BTBD19: variants seen among roughly 807,000 people sequenced by gnomAD.
BTBD19 encodes BTB domain containing 19, also known as BTB/POZ domain-containing protein 19.
Under a neutral mutation model 36.1 loss-of-function variants are expected in BTBD19, and 20 were observed. The ratio of observed to expected loss-of-function variants is 0.55; its 90% CI spans 0.39 to 0.80. The LOEUF (loss-of-function observed/expected upper bound fraction) is 0.80. Ranked by LOEUF, BTBD19 falls within the 30% of genes least tolerant of loss-of-function variation. The pLI is 0.00. For missense variants in BTBD19, 325 were observed against 389.8 expected, an observed-to-expected ratio of 0.83 and a Z score of 1.40; for synonymous variants, 157 against 174.3, an observed-to-expected ratio of 0.90 and a Z score of 0.78.
exon 1 of BTBD19, chr1:44,808,776 C>A: frequency 7.0e-7 from 1 of 1,419,144 alleles, no homozygotes; most frequent in South Asian, 1.3e-5. Context: ...TAGGGCCTGG[C>A]CAGGCCTCCC....
chr1:44,814,190 C>CTT (rs772980155), downstream of BTBD19: 28 of 117,848 alleles, frequency 2.4e-4, 1 homozygote, highest in Middle Eastern at 3.3e-3. Context: ...TTCTTTCTTT[C>CTT]TTTCTTTCTT....
chr1:44,812,006 C>T lies in BTBD19; in HGVS notation c.355-33C>T, dbSNP rs756183800. Reference sequence around the variant, plus strand: ...AACTAGTGTCTTGGAGCAGGGACACCGCCACCCAACCCACATTCATTTCTG... The same window carrying T: ...AACTAGTGTCTTGGAGCAGGGACACTGCCACCCAACCCACATTCATTTCTG... On this transcript the variant is annotated intron_variant, in intron 3 of 7. Coordinates refer to ENST00000450269, the Ensembl canonical transcript of BTBD19. The T allele has an allele frequency of 1.4e-5, 18 of 1,298,488 alleles. No homozygotes were observed. In the African/African-American group the frequency reaches 1.5e-4, roughly 11 times the overall value. 80.4% of individuals were successfully genotyped at this position (1,298,488 alleles called of 1,614,324 possible).
In BTBD19 at chr1:44,813,781, C is replaced by T. The variant is rs1216540741; in HGVS notation, c.*9C>T. 1.4e-5 allele frequency: 22 copies of T among 1,551,304 alleles called. No homozygotes were observed. In the East Asian group the frequency reaches 1.5e-4, roughly 10 times the overall value. The stretch of plus-strand genomic sequence containing the variant: ...ACCTGTCCTTCAAATGATCCAACGC[C>T]GGGACTCGCAGGGAGCCCTCGACCC... On this transcript the variant is annotated 3_prime_UTR_variant, in exon 8 of 8. Coordinates refer to ENST00000450269, the Ensembl canonical transcript of BTBD19. The surrounding 1 kb of genome is among the most constrained non-coding windows in gnomAD (Gnocchi z 7.8).
Position 44,810,379 on chromosome 1 carries a change from G to A in BTBD19, c.253G>A (p.Val85Met). 2 of 1,551,730 alleles carry A rather than the reference G, an allele frequency of 1.3e-6. No individual in the cohort carries two copies. The highest frequency in any genetic ancestry group is 1.7e-6 in the Non-Finnish European group (2 of 1,146,992). The stretch of plus-strand genomic sequence containing the variant: ...TGTGCCAACTGAGGCCTTCCTGGCA[G>A]TGCTGGAGTTCCTATATACCAACAG... The change falls in exon 2 of 8, where the codon GTG becomes ATG. Residue 85 changes from valine (V) to methionine (M), a missense_variant. Physicochemically the swap from Val to Met is conservative, Grantham distance 21. Coordinates refer to ENST00000450269, the Ensembl canonical transcript of BTBD19. This position sits in a 1 kb window ranked among gnomAD's most constrained non-coding sequence, Gnocchi z 4.2.
At position 44,810,136 on chromosome 1, in the gene BTBD19, A is replaced by G; in HGVS notation, c.87-77A>G. The G allele has an allele frequency of 7.7e-7, 1 of 1,290,614 alleles. No individual in the cohort carries two copies. The allele number at this position is 1,290,614 out of a possible 1,614,324, so 79.9% of individuals were successfully genotyped here. A position where few individuals can be genotyped will look rare whatever the true frequency, so the allele number is the denominator to read the frequency against. On this transcript the variant is annotated intron_variant, in intron 1 of 7. Transcript: ENST00000450269. This position sits in a 1 kb window ranked among gnomAD's most constrained non-coding sequence, Gnocchi z 4.2. ...TTCTGGTTAGGAAACTAAGACCCAG[A>G]GTGGGCAAAGGCACAGCCCAAGTTG...
Position 44,813,198 on chromosome 1 carries a change from C to G in BTBD19, c.544C>G (p.Arg182Gly). 2.0e-6 allele frequency: 3 copies of G among 1,534,994 alleles called. No individual in the cohort carries two copies. Among genetic ancestry groups the G allele is most frequent in the Non-Finnish European group, 2.6e-6 (3 of 1,144,510 alleles). The change falls in exon 6 of 8, where the codon CGC becomes GGC. Residue 182 changes from arginine to glycine, a missense_variant. By Grantham distance (125) the Arg-to-Gly change is moderately radical. Coordinates refer to ENST00000450269, the Ensembl canonical transcript of BTBD19. The surrounding 1 kb of genome is among the most constrained non-coding windows in gnomAD (Gnocchi z 7.8). ...GGCGGCCGCGCTGCTGCCCCTGCTCCGCAGCGACAAGCTCTGCGTGGACGA... is the reference window on the plus strand; with the variant it reads ...GGCGGCCGCGCTGCTGCCCCTGCTCGGCAGCGACAAGCTCTGCGTGGACGA...
downstream of BTBD19, chr1:44,814,190 C>CTTTCTTTCTT (rs1553163541): frequency 4.3e-3 from 503 of 117,830 alleles, 4 homozygotes; most frequent in Non-Finnish European, 5.5e-3. Context: ...TTCTTTCTTT[C>CTTTCTTTCTT]TTTCTTTCTT....
rs1234302278 is a variant in BTBD19, at chr1:44,813,200, C to T, written c.546C>T (p.Arg182=). 1 of 1,545,680 alleles carries T rather than the reference C, an allele frequency of 6.5e-7. No individual in the cohort carries two copies. The highest frequency in any genetic ancestry group is 1.2e-5 in the South Asian group (1 of 83,932). The change falls in exon 6 of 8, where the codon CGC becomes CGT. Residue 182 remains arginine, a synonymous_variant. Coordinates refer to ENST00000450269, the Ensembl canonical transcript of BTBD19. The surrounding 1 kb of genome is among the most constrained non-coding windows in gnomAD (Gnocchi z 7.8). ...CGGCCGCGCTGCTGCCCCTGCTCCG[C>T]AGCGACAAGCTCTGCGTGGACGAGG... is the stretch of plus-strand genomic sequence containing the variant.
At chr1:44,814,142 T>C (rs192141172), downstream of BTBD19, 91 of 221,606 alleles carry the variant, frequency 4.1e-4, no homozygotes, top group Non-Finnish European at 6.4e-4. Flanking sequence ...TCTTTTCTTT[T>C]TCTTTCTCTT....
At chr1:44,808,986 G>A (rs767661800) in intron 1 of BTBD19, 80 bp downstream of exon 1, 3 of 1,241,704 alleles carry the variant, frequency 2.4e-6, no homozygotes, top group Non-Finnish European at 3.3e-6. Flanking sequence ...CTGGTGAGAA[G>A]AGGCTGGGAA....
At chr1:44,811,787 C>A (rs564758110) in intron 3 of BTBD19, 4 of 311,410 alleles carry the variant, frequency 1.3e-5, no homozygotes, top group South Asian at 2.6e-5. Flanking sequence ...TTTTGCATGG[C>A]CTTTATCTGG....
At chr1:44,812,720 C>G (rs1652476893) in intron 4 of BTBD19, among the ~76,000 whole-genome samples, 1 of 151,406 alleles carries the variant, frequency 6.6e-6, no homozygotes. Flanking sequence ...AGCCTAGGTC[C>G]CAGGTGGGGT....
downstream of BTBD19, chr1:44,814,148 C>CTTTCTTTCTTTCTT (rs60343664): frequency 1.2e-4 from 19 of 159,302 alleles, no homozygotes; most frequent in East Asian, 1.5e-4. Flanking sequence ...CTTTTTCTTT[C>CTTTCTTTCTTTCTT]TCTTTCTTTC....
chr1:44,814,167 T>TTTCTTTCC (rs1652595385), downstream of BTBD19: 1 of 137,518 alleles, frequency 7.3e-6, no homozygotes, highest in Non-Finnish European at 1.4e-5. Context: ...TCTTTCTTTC[T>TTTCTTTCC]TTCTTTCTTT....
intron 1 of BTBD19, 82 bp downstream of exon 1, chr1:44,808,988 G>T (rs1352512039): frequency 3.3e-6 from 4 of 1,224,154 alleles, no homozygotes; most frequent in Non-Finnish European, 4.4e-6. Context: ...GGTGAGAAGA[G>T]GCTGGGAATT....
Position 44,810,097 on chromosome 1 carries a change from C to A in BTBD19, c.87-116C>A. On this transcript the variant is annotated intron_variant, in intron 1 of 7. Transcript: ENST00000450269. This position sits in a 1 kb window ranked among gnomAD's most constrained non-coding sequence, Gnocchi z 4.2. Reference sequence around the variant, plus strand: ...CAGACCTTCTGCTGGAGGGACGAAGCCCTGTCTCTTACATTCTGGTTAGGA... The same window carrying A: ...CAGACCTTCTGCTGGAGGGACGAAGACCTGTCTCTTACATTCTGGTTAGGA... 1.1e-6 allele frequency: 1 copy of A among 919,884 alleles called. No individual in the cohort carries two copies. The highest frequency in any genetic ancestry group is 1.7e-6 in the Non-Finnish European group (1 of 598,154). The allele number at this position is 919,884 out of a possible 1,614,324, so 57.0% of individuals were successfully genotyped here.
At chr1:44,814,191 TTTC>T (rs1479232257), downstream of BTBD19, 1 of 117,576 alleles carries the variant, frequency 8.5e-6, no homozygotes, top group Non-Finnish European at 1.7e-5. Context: ...TCTTTCTTTC[TTTC>T]TTTCTTTCTT....
rs1273197352 is a variant in BTBD19 at position 44,813,447 on chromosome 1, C to T, written c.689C>T (p.Pro230Leu). The T allele has an allele frequency of 6.4e-7, 1 of 1,550,754 alleles. No homozygotes were observed. Among genetic ancestry groups the T allele is most frequent in the Non-Finnish European group, 8.7e-7 (1 of 1,146,730 alleles). The change falls in exon 7 of 8, where the codon CCG becomes CTG. Residue 230 changes from proline (P) to leucine (L), a missense_variant. By Grantham distance (98) the Pro-to-Leu change is moderately conservative. Transcript: ENST00000450269. The surrounding 1 kb of genome is among the most constrained non-coding windows in gnomAD (Gnocchi z 7.8). Reference sequence around the variant, plus strand: ...GAGCTGAGACTAGCCTTGCTGGCCCCGGCGGAGCTGAGCGCCCTGGAAGAG... The same window carrying T: ...GAGCTGAGACTAGCCTTGCTGGCCCTGGCGGAGCTGAGCGCCCTGGAAGAG...
chr1:44,813,593 G>A lies in BTBD19; in HGVS notation c.742-45G>A. On this transcript the variant is annotated intron_variant, in intron 7 of 7. Transcript: ENST00000450269. The surrounding 1 kb of genome is among the most constrained non-coding windows in gnomAD (Gnocchi z 7.8). ...CAGCCCGGCCCACGGTCCTCGGGGC[G>A]AGGGGCCACCGCGGGACTGCGCACT... 2 of 1,537,846 alleles carry A rather than the reference G, an allele frequency of 1.3e-6. No individual in the cohort carries two copies. Among genetic ancestry groups the A allele is most frequent in the South Asian group, 1.2e-5 (1 of 82,712 alleles).
Sources: gnomAD v4.1 joint callset for allele counts (sites outside exome capture counted in the v4.1 genomes callset) on GRCh38, gnomAD v4.1.1 for gene constraint, Gnocchi (gnomAD v3.1) non-coding constraint, MANE v1.5 for transcripts, NCBI Gene and HGNC (gene_info 2026-07-23, HGNC 2026-07-21) for gene names.